GPR137B: variants seen among roughly 807,000 people sequenced by gnomAD.
GPR137B encodes the protein G protein-coupled receptor 137B, also known as integral membrane protein GPR137B.
Under a neutral mutation model 42.5 loss-of-function variants are expected in GPR137B, and 42 were observed. The ratio of observed to expected loss-of-function variants is 0.99; its 90% confidence interval spans 0.77 to 1.28. GPR137B has a LOEUF of 1.28. Among genes scored for constraint, GPR137B ranks in the 50% most tolerant of loss-of-function variants. GPR137B has a pLI of 0.00. For missense variants in GPR137B, 487 were observed against 493.9 expected (o/e 0.99, Z 0.13); for synonymous variants, 218 against 209.7 (o/e 1.04, Z -0.34).
chr1:236,165,046 A>G (rs1456360612), intron 1 of GPR137B, among the ~76,000 whole-genome samples: 1 of 152,158 alleles, frequency 6.6e-6, no homozygotes, highest in Admixed American at 6.5e-5. Flanking sequence ...CTGGGATTCC[A>G]GGTGCCTGCC....
chr1:236,169,519 G>T (rs1468576348), intron 2 of GPR137B, among the ~76,000 whole-genome samples: 1 of 152,216 alleles, frequency 6.6e-6, no homozygotes, highest in East Asian at 1.9e-4. Context: ...TAACACAAAG[G>T]CTTGCAGAAT....
intron 2 of GPR137B, among the ~76,000 whole-genome samples, chr1:236,176,792 A>T (rs747980830): frequency 6.6e-6 from 1 of 151,998 alleles, no homozygotes; most frequent in Non-Finnish European, 1.5e-5. Context: ...AGACCCTGCC[A>T]CCTACAGTGT....
intron 1 of GPR137B, among the ~76,000 whole-genome samples, chr1:236,145,228 C>G (rs1661650215): frequency 2.0e-5 from 3 of 152,134 alleles, no homozygotes; most frequent in African/African-American, 7.2e-5. Context: ...TGTCGCCAAC[C>G]CAGCTCTGCC....
chr1:236,167,874 C>T (rs1473960946), intron 1 of GPR137B, among the ~76,000 whole-genome samples: 2 of 152,204 alleles, frequency 1.3e-5, no homozygotes, highest in South Asian at 2.1e-4. Context: ...TTCACCTTCT[C>T]GAAGGCTCTG....
intron 5 of GPR137B, among the ~76,000 whole-genome samples, chr1:236,191,701 T>C (rs527534790): frequency 1.2e-4 from 19 of 152,310 alleles, no homozygotes; most frequent in African/African-American, 4.6e-4. Flanking sequence ...TCTGGAAGCT[T>C]TGTCCCAGAG....
At position 236,208,420 on chromosome 1, in the gene GPR137B, G is replaced by T; in HGVS notation, c.*262G>T. ...CTGTACTTTTATAAAGATGTATTTT[G>T]TATAACTTAAATAATAATGCTAAAG... On this transcript the variant is annotated 3_prime_UTR_variant, in exon 7 of 7. Coordinates refer to ENST00000366592, the MANE Select transcript of GPR137B (RefSeq NM_003272.4). 1 of 1,012,250 alleles carries T rather than the reference G, an allele frequency of 9.9e-7. No individual in the cohort carries two copies. Among genetic ancestry groups the T allele is most frequent in the East Asian group, 3.8e-5 (1 of 26,416 alleles). The allele number at this position is 1,012,250 out of a possible 1,614,324, so 62.7% of individuals were successfully genotyped here.
At chr1:236,192,751 C>T (rs1476635403) in intron 5 of GPR137B, among the ~76,000 whole-genome samples, 1 of 152,128 alleles carries the variant, frequency 6.6e-6, no homozygotes, top group African/African-American at 2.4e-5. Context: ...GTGTCGATCT[C>T]GCTGGGAGCT....
chr1:236,144,931 C>T (rs1661642120), intron 1 of GPR137B, among the ~76,000 whole-genome samples: 1 of 152,254 alleles, frequency 6.6e-6, no homozygotes. Flanking sequence ...TGCACATTTT[C>T]TGCACCATCT....
intron 2 of GPR137B, among the ~76,000 whole-genome samples, chr1:236,175,284 A>G (rs1662653152): frequency 6.6e-6 from 1 of 152,190 alleles, no homozygotes; most frequent in Admixed American, 6.5e-5. Flanking sequence ...CATTGTGTTC[A>G]TGCTGAGTAA....
At chr1:236,161,438 T>C (rs1662191702) in intron 1 of GPR137B, among the ~76,000 whole-genome samples, 1 of 151,778 alleles carries the variant, frequency 6.6e-6, no homozygotes, top group South Asian at 2.1e-4. Flanking sequence ...CTCCATGCAC[T>C]TTTCACACCT....
intron 1 of GPR137B, among the ~76,000 whole-genome samples, chr1:236,147,311 G>A (rs554002132): frequency 2.0e-5 from 3 of 152,310 alleles, no homozygotes; most frequent in African/African-American, 4.8e-5. Context: ...TTGCTCTGGC[G>A]CCGCCTCTGT....
chr1:236,160,282 G>C (rs2102897876), intron 1 of GPR137B, among the ~76,000 whole-genome samples: 1 of 152,288 alleles, frequency 6.6e-6, no homozygotes, highest in South Asian at 2.1e-4. Flanking sequence ...GCTGTGTGGA[G>C]CCCAAGGAAG....
At chr1:236,178,273 G>A in intron 2 of GPR137B, 141 bp from the exon 3 acceptor site, 1 of 620,160 alleles carries the variant, frequency 1.6e-6, no homozygotes, top group South Asian at 2.0e-5. Flanking sequence ...ATTTGAATCT[G>A]GGAACGTCTA....
Position 236,183,872 on chromosome 1 carries a change from A to G in GPR137B, c.932A>G (p.Tyr311Cys). The G allele has an allele frequency of 6.2e-7, 1 of 1,609,068 alleles. No homozygotes were observed. ...CTCTTACCTACCACCTTAGTCGTTTATTTCTTCCGAGTTAGAAATCCTACA... is the reference window on the plus strand; with the variant it reads ...CTCTTACCTACCACCTTAGTCGTTTGTTTCTTCCGAGTTAGAAATCCTACA... ...WELLPTTLVV[Y>C]FFRVRNPTKD... Residue 311 changes from tyrosine to cysteine, a missense_variant, in exon 5 of 7, where the codon TAT (tyrosine) becomes TGT (cysteine). Tyr to Cys is a radical substitution (Grantham distance 194, BLOSUM62 -2). Coordinates refer to ENST00000366592, the MANE Select transcript of GPR137B (RefSeq NM_003272.4).
intron 2 of GPR137B, among the ~76,000 whole-genome samples, chr1:236,169,897 G>A (rs1028613093): frequency 1.7e-4 from 26 of 152,026 alleles, no homozygotes; most frequent in South Asian, 1.0e-3. Flanking sequence ...AAAATTAGCC[G>A]GGCGAGGTAG....
At position 236,179,831 on chromosome 1, in the gene GPR137B, G is replaced by A. The variant is rs551760341; in HGVS notation, c.688-48G>A. 5.6e-6 allele frequency: 8 copies of A among 1,432,410 alleles called. No homozygotes were observed. The African/African-American group carries it at 1.1e-4, about 20-fold the overall frequency. The allele number at this position is 1,432,410 out of a possible 1,614,324, so 88.7% of individuals were successfully genotyped here. On this transcript the variant is annotated intron_variant, in intron 3 of 6. Transcript: ENST00000366592. The stretch of plus-strand genomic sequence containing the variant: ...CAGGTGGGGGCTGGGGAAGGGGCTG[G>A]TGTCTTGGACCTGGAGTGTCCCATA...
At chr1:236,188,865 CTGT>C (rs1434125243) in intron 5 of GPR137B, among the ~76,000 whole-genome samples, 1 of 152,114 alleles carries the variant, frequency 6.6e-6, no homozygotes, top group African/African-American at 2.4e-5. Flanking sequence ...CCCTCTTTTT[CTGT>C]TGTTTAGAGT....
At chr1:236,203,419 C>T (rs1437892043) in intron 5 of GPR137B, among the ~76,000 whole-genome samples, 3 of 152,124 alleles carry the variant, frequency 2.0e-5, no homozygotes, top group Non-Finnish European at 4.4e-5. Flanking sequence ...GTTTTAGTTA[C>T]TATAACTCTG....
intron 4 of GPR137B, among the ~76,000 whole-genome samples, chr1:236,182,496 C>G (rs961250608): frequency 1.3e-5 from 2 of 151,902 alleles, no homozygotes; most frequent in Non-Finnish European, 2.9e-5. Flanking sequence ...GCCTGTAATC[C>G]CAGCATTTTG....
Sources: gnomAD v4.1 joint callset for allele counts (sites outside exome capture counted in the v4.1 genomes callset) on GRCh38, gnomAD v4.1.1 for gene constraint, MANE v1.5 for transcripts, NCBI Gene and HGNC (gene_info 2026-07-23, HGNC 2026-07-21) for gene names.